The following HCFC2 variants were observed in gnomAD, a reference collection of about 807,000 sequenced individuals.
The protein encoded by HCFC2 is host cell factor C2.
In HCFC2, 18 loss-of-function variants were observed where a neutral mutation model predicts 89.2. The ratio of observed to expected loss-of-function variants is 0.20; its 90% confidence interval spans 0.14 to 0.30. The LOEUF (loss-of-function observed/expected upper bound fraction) is 0.30. HCFC2 is among the 10% of genes least tolerant of loss of function. The probability of loss-of-function intolerance (pLI) is 1.00; values close to 1 mark genes in which losing one functional copy is unlikely to be tolerated. For missense variants in HCFC2, 578 were observed against 956.1 expected (o/e 0.60, Z 5.21); for synonymous variants, 308 against 335.7 (o/e 0.92, Z 0.90).
chr12:104,087,753 T>A (rs1235751659), intron 8 of HCFC2, among the ~76,000 whole-genome samples: 1 of 152,018 alleles, frequency 6.6e-6, no homozygotes, highest in Non-Finnish European at 1.5e-5. Flanking sequence ...ATATCTTAGC[T>A]TTTTTCAAAA....
rs1281652689 is a variant in HCFC2, at chr12:104,068,827, C to T, written c.473+720C>T. On this transcript the variant is annotated intron_variant, in intron 3 of 14. Transcript: ENST00000229330. This position sits in a 1 kb window ranked among gnomAD's most constrained non-coding sequence, Gnocchi z 4.1. ...TTTTGTCTGCAAAGAATTCCTCTTT[C>T]CTTTGGGGAACTATACTGTTCCATG... Among the ~76,000 whole-genome samples the T allele has an allele frequency of 6.6e-6, 1 of 150,684 alleles. No homozygotes were observed. The highest frequency in any genetic ancestry group is 1.5e-5 in the Non-Finnish European group (1 of 67,766).
At position 104,093,453 on chromosome 12, in the gene HCFC2, A is replaced by G; in HGVS notation, c.1352A>G (p.Lys451Arg). 6.2e-7 allele frequency: 1 copy of G among 1,613,534 alleles called. No individual in the cohort carries two copies. Among genetic ancestry groups the G allele is most frequent in the Non-Finnish European group, 8.5e-7 (1 of 1,179,664 alleles). The change falls in exon 10 of 15, where the codon AAA becomes AGA. Residue 451 changes from lysine (K) to arginine (R), a missense_variant. Physicochemically the swap from Lys to Arg is conservative, Grantham distance 26. This residue lies in a region of HCFC2 where 210 missense variants were observed against 251.7 expected (regional missense o/e 0.83). Coordinates refer to ENST00000229330, the MANE Select transcript of HCFC2 (RefSeq NM_013320.3). Reference protein sequence around the residue: ...PATKETSMKNKPDFKALTDSN... With the variant: ...PATKETSMKNRPDFKALTDSN... Reference sequence around the variant, plus strand: ...ACAAAAGAAACTTCAATGAAAAACAAACCAGACTTTAAAGCACTGACGGAT... The same window carrying G: ...ACAAAAGAAACTTCAATGAAAAACAGACCAGACTTTAAAGCACTGACGGAT...
intron 2 of HCFC2, among the ~76,000 whole-genome samples, chr12:104,067,716 G>T (rs1386270157): frequency 2.6e-5 from 4 of 152,136 alleles, no homozygotes; most frequent in African/African-American, 7.2e-5. Flanking sequence ...ATTATATGCT[G>T]AGTTTGCCAT....
intron 5 of HCFC2, among the ~76,000 whole-genome samples, chr12:104,081,946 A>G (rs1883699899): frequency 6.6e-6 from 1 of 152,072 alleles, no homozygotes; most frequent in Non-Finnish European, 1.5e-5. Flanking sequence ...GCATAAAAAA[A>G]AAAATAGATC....
intron 3 of HCFC2, among the ~76,000 whole-genome samples, chr12:104,071,652 A>G (rs1029366050): frequency 7.9e-5 from 12 of 152,216 alleles, no homozygotes; most frequent in Non-Finnish European, 1.8e-4. Context: ...CAATGGCACA[A>G]TGTCAGCTCA....
chr12:104,069,162 C>T (rs1479383967), intron 3 of HCFC2, among the ~76,000 whole-genome samples: 3 of 152,084 alleles, frequency 2.0e-5, no homozygotes, highest in Non-Finnish European at 4.4e-5. Context: ...AAAAAATTAG[C>T]TGGGCATGGT....
rs760341206 is a variant in HCFC2 at position 104,064,680 on chromosome 12, G to A, written c.120G>A (p.Gly40=). Residue 40 remains glycine, a synonymous_variant, in exon 1 of 15, where the codon GGG becomes GGA. Transcript: ENST00000229330. The surrounding 1 kb of genome is among the most constrained non-coding windows in gnomAD (Gnocchi z 7.3). ...AIRELMIIFG[G]GNEGIADELH... is the part of the protein sequence containing the mutation. ...GGGAGCTGATGATCATCTTTGGAGGGGGAAATGAGGGCATCGCGGATGAGC... is the reference window on the plus strand; with the variant it reads ...GGGAGCTGATGATCATCTTTGGAGGAGGAAATGAGGGCATCGCGGATGAGC... 6.3e-7 allele frequency: 1 copy of A among 1,575,842 alleles called. No individual in the cohort carries two copies.
chr12:104,100,425 G>T (rs2029902099), intron 13 of HCFC2, among the ~76,000 whole-genome samples: 2 of 151,886 alleles, frequency 1.3e-5, no homozygotes, highest in African/African-American at 4.8e-5. Flanking sequence ...AAAAAATAAA[G>T]AAGTTTTCTG....
intron 12 of HCFC2, among the ~76,000 whole-genome samples, chr12:104,097,439 A>C (rs944642385): frequency 1.3e-5 from 2 of 152,130 alleles, no homozygotes; most frequent in Non-Finnish European, 2.9e-5. Flanking sequence ...GTTTTATAAA[A>C]GTTGTTGAAG....
In HCFC2 at chr12:104,095,472, C is replaced by G. The variant is rs776719598; in HGVS notation, c.1575C>G (p.Thr525=). ...TTTCCAGCACACAAACTATGGTAAC[C>G]CAGCAGACCATTAAAACTGAATCAT... ...STVSSTQTMV[T]QQTIKTESSS... The change falls in exon 11 of 15, where the codon ACC becomes ACG. Residue 525 remains threonine (T), a synonymous_variant. Coordinates refer to ENST00000229330, the MANE Select transcript of HCFC2 (RefSeq NM_013320.3). The surrounding 1 kb of genome is among the most constrained non-coding windows in gnomAD (Gnocchi z 4.2). 6.2e-7 allele frequency: 1 copy of G among 1,613,634 alleles called. No homozygotes were observed. Among genetic ancestry groups the G allele is most frequent in the East Asian group, 2.2e-5 (1 of 44,804 alleles).
intron 10 of HCFC2, among the ~76,000 whole-genome samples, chr12:104,094,909 C>T (rs1884130651): frequency 6.6e-6 from 1 of 152,098 alleles, no homozygotes; most frequent in Non-Finnish European, 1.5e-5. Flanking sequence ...ACCAAGAGTA[C>T]AGGAAGATAC....
At chr12:104,096,485 T>C in intron 12 of HCFC2, 52 bp downstream of exon 12, 1 of 1,234,096 alleles carries the variant, frequency 8.1e-7, no homozygotes, top group Non-Finnish European at 1.2e-6. Flanking sequence ...TATGTACTTT[T>C]AAATGCTGAG....
intron 1 of HCFC2, chr12:104,065,065 T>A: frequency 4.7e-5 from 10 of 211,018 alleles, no homozygotes; most frequent in East Asian, 1.0e-4. Flanking sequence ...CTCGCCTCTG[T>A]CAAAAAACAA....
At chr12:104,080,683 T>G in intron 4 of HCFC2, 63 bp from the exon 5 acceptor site, 1 of 937,796 alleles carries the variant, frequency 1.1e-6, no homozygotes, top group Non-Finnish European at 1.6e-6. Flanking sequence ...TTTAAAATTA[T>G]GGAAGTTGAG....
Position 104,104,875 on chromosome 12 carries a change from T to C in HCFC2, c.*1602T>C, listed in dbSNP as rs2030046765. On this transcript the variant is annotated 3_prime_UTR_variant, in exon 15 of 15. Coordinates refer to ENST00000229330, the MANE Select transcript of HCFC2 (RefSeq NM_013320.3). Reference sequence around the variant, plus strand: ...GTTGTTAGAATACCTTTTTTGTGGCTGTATGAATCTTTACTCTTTAAATGT... The same window carrying C: ...GTTGTTAGAATACCTTTTTTGTGGCCGTATGAATCTTTACTCTTTAAATGT... 3.3e-5 allele frequency: 5 copies of C among 152,074 alleles called. No individual in the cohort carries two copies. The highest frequency in any genetic ancestry group is 3.3e-4 in the Admixed American group (5 of 15,268). 9.4% of individuals were successfully genotyped at this position (152,074 alleles called of 1,614,324 possible).
chr12:104,090,832 C>G (rs933218306), intron 9 of HCFC2: 1 of 151,638 alleles, frequency 6.6e-6, no homozygotes, highest in Non-Finnish European at 1.5e-5. Flanking sequence ...CTTGGCTGTC[C>G]CTTTTTGTTT....
rs59433583 is a variant in HCFC2, at chr12:104,077,103, G to A, written c.474-2342G>A. ...TTTTATCTGTGTCTGTTGTGTGAGC[G>A]GTCATTATCTGGATTTTTAGGAAAA... On this transcript the variant is annotated intron_variant, in intron 3 of 14. Transcript: ENST00000229330. 2.0e-4 allele frequency among the ~76,000 whole-genome samples: 31 copies of A among 152,034 alleles called. No individual in the cohort carries two copies. The East Asian group carries it at 6.0e-3, about 29-fold the overall frequency.
intron 14 of HCFC2, 39 bp from the exon 15 acceptor site, chr12:104,102,920 T>C (rs1309320986): frequency 6.5e-7 from 1 of 1,531,146 alleles, no homozygotes. Flanking sequence ...CAGAGGAAAC[T>C]TAAGAACCTT....
At chr12:104,069,781 A>G (rs1036884645) in intron 3 of HCFC2, among the ~76,000 whole-genome samples, 20 of 151,798 alleles carry the variant, frequency 1.3e-4, no homozygotes, top group Non-Finnish European at 2.2e-4. Flanking sequence ...TGCTGCACCT[A>G]TCAACCCATC....
Sources: gnomAD v4.1 joint callset for allele counts (sites outside exome capture counted in the v4.1 genomes callset) on GRCh38, gnomAD v4.1.1 for gene constraint, gnomAD v4.1.1 regional missense constraint, Gnocchi (gnomAD v3.1) non-coding constraint, MANE v1.5 for transcripts, NCBI Gene and HGNC (gene_info 2026-07-23, HGNC 2026-07-21) for gene names.